Variants in CDH12 observed in about 807,000 individuals in gnomAD.
CDH12 encodes cadherin 12, also known as cadherin-12.
CDH12 carries 41 observed loss-of-function variants against 74.1 expected under a neutral mutation model. That is an observed-to-expected ratio of 0.55 (90% CI 0.43 to 0.72). The LOEUF is 0.72. Ranked by LOEUF, CDH12 falls within the 30% of genes least tolerant of loss-of-function variation. CDH12 has a pLI of 0.00. For synonymous variants in CDH12, 399 were observed against 355.0 expected, an observed-to-expected ratio of 1.12 and a Z score of -1.39; for missense variants, 945 against 977.2, an observed-to-expected ratio of 0.97 and a Z score of 0.44.
At chr5:22,321,855 A>G (rs1245804334) in intron 3 of CDH12, among the ~76,000 whole-genome samples, 1 of 152,178 alleles carries the variant, frequency 6.6e-6, no homozygotes, top group African/African-American at 2.4e-5. Flanking sequence ...GGTTAAGTCC[A>G]GAATATAAAT....
chr5:22,138,844 TAATATATATATA>T (rs1030636537), intron 4 of CDH12, among the ~76,000 whole-genome samples: 8 of 42,580 alleles, frequency 1.9e-4, no homozygotes, highest in African/African-American at 6.3e-4. Context: ...CATATATACG[TAATATATATATA>T]TATATATATA....
At chr5:21,971,093 G>C (rs988226294) in intron 6 of CDH12, among the ~76,000 whole-genome samples, 21 of 151,686 alleles carry the variant, frequency 1.4e-4, no homozygotes, top group African/African-American at 4.6e-4. Context: ...TTCTTTTTAA[G>C]ATATTGAATG....
chr5:22,411,706 T>C (rs1016910813), intron 2 of CDH12, among the ~76,000 whole-genome samples: 2 of 152,034 alleles, frequency 1.3e-5, no homozygotes, highest in Non-Finnish European at 2.9e-5. Flanking sequence ...GCATTTTTGC[T>C]GATATATTTT....
intron 3 of CDH12, among the ~76,000 whole-genome samples, chr5:22,262,875 G>A (rs1365127737): frequency 1.3e-5 from 2 of 151,948 alleles, no homozygotes; most frequent in Non-Finnish European, 2.9e-5. Context: ...CACAGCAAAA[G>A]AAACTACCAT....
intron 7 of CDH12, among the ~76,000 whole-genome samples, chr5:21,853,876 A>T (rs1167436562): frequency 4.0e-5 from 6 of 151,626 alleles, no homozygotes; most frequent in Non-Finnish European, 7.4e-5. Flanking sequence ...ATATGTTCTA[A>T]TGTAGTGTAT....
intron 4 of CDH12, among the ~76,000 whole-genome samples, chr5:22,122,384 T>C (rs1487478856): frequency 6.6e-6 from 1 of 152,048 alleles, no homozygotes; most frequent in African/African-American, 2.4e-5. Context: ...GCCTGGGCAA[T>C]AGAGTGAGAC....
intron 6 of CDH12, among the ~76,000 whole-genome samples, chr5:21,869,400 A>G (rs1334350075): frequency 1.3e-5 from 2 of 152,186 alleles, no homozygotes; most frequent in African/African-American, 2.4e-5. Context: ...GAAGTAGAAG[A>G]AGATGTTAAT....
Position 22,807,973 on chromosome 5 carries a change from G to A in CDH12, c.-523+45085C>T, listed in dbSNP as rs75356084. Among the ~76,000 whole-genome samples, 35 of 152,244 alleles carry A rather than the reference G, an allele frequency of 2.3e-4. No homozygotes were observed. In the East Asian group the frequency reaches 6.4e-3, roughly 28 times the overall value. On this transcript the variant is annotated intron_variant, in intron 1 of 14. Transcript: ENST00000382254. ...AAAAATTAAATGTATAAAAAATAAA[G>A]TAATTGTGCTATGACATCACTGGAT...
chr5:22,281,034 T>C (rs1352679162), intron 3 of CDH12, among the ~76,000 whole-genome samples: 6 of 152,188 alleles, frequency 3.9e-5, no homozygotes, highest in African/African-American at 1.4e-4. Flanking sequence ...TATGATCAAG[T>C]GGGCTTCATC....
At chr5:21,867,951 G>C (rs576428348) in intron 6 of CDH12, among the ~76,000 whole-genome samples, 26 of 152,260 alleles carry the variant, frequency 1.7e-4, no homozygotes, top group Non-Finnish European at 3.2e-4. Context: ...CCAGTGGGTG[G>C]TCATTGAATC....
At chr5:22,749,933 A>G (rs963020997) in intron 1 of CDH12, among the ~76,000 whole-genome samples, 6 of 152,188 alleles carry the variant, frequency 3.9e-5, no homozygotes, top group East Asian at 1.9e-4. Context: ...ACTTAGGCAC[A>G]CATACAATTT....
intron 3 of CDH12, among the ~76,000 whole-genome samples, chr5:22,247,831 T>G (rs1753006887): frequency 6.6e-6 from 1 of 152,182 alleles, no homozygotes; most frequent in Non-Finnish European, 1.5e-5. Context: ...AAAAGTCACA[T>G]GTAAACATAT....
intron 1 of CDH12, among the ~76,000 whole-genome samples, chr5:22,551,231 G>A (rs910463951): frequency 6.6e-6 from 1 of 152,220 alleles, no homozygotes; most frequent in Non-Finnish European, 1.5e-5. Flanking sequence ...TATGTGAGAA[G>A]ACAGGAAGAA....
intron 4 of CDH12, among the ~76,000 whole-genome samples, chr5:22,200,415 G>A (rs186748571): frequency 6.6e-6 from 1 of 152,116 alleles, no homozygotes; most frequent in East Asian, 1.9e-4. Context: ...GTTAAAATAT[G>A]CATGTTCATT....
chr5:22,327,320 A>C (rs1739156444), intron 3 of CDH12, among the ~76,000 whole-genome samples: 1 of 152,166 alleles, frequency 6.6e-6, no homozygotes, highest in Admixed American at 6.6e-5. Flanking sequence ...CAAAAATGTC[A>C]TCAATTAAAA....
At chr5:22,094,779 C>G (rs1743644983) in intron 4 of CDH12, among the ~76,000 whole-genome samples, 1 of 152,124 alleles carries the variant, frequency 6.6e-6, no homozygotes, top group African/African-American at 2.4e-5. Flanking sequence ...CCGGTTCCTG[C>G]CTTAACTGAT....
At chr5:22,662,296 T>C (rs1740386962) in intron 1 of CDH12, among the ~76,000 whole-genome samples, 1 of 152,208 alleles carries the variant, frequency 6.6e-6, no homozygotes, top group South Asian at 2.1e-4. Context: ...AAGGAAGTTA[T>C]GGCATATATA....
In CDH12 at chr5:22,078,635, C is replaced by G. The variant is rs899518674; in HGVS notation, c.42G>C (p.Leu14=). The G allele has an allele frequency of 1.2e-6, 2 of 1,613,712 alleles. No individual in the cohort carries two copies. The highest frequency in any genetic ancestry group is 2.7e-5 in the African/African-American group (2 of 74,898). ...GTGGTGTTAGGAGACCTCCATCAAACAGAACCCAGAGAAGCAGGGATAAAC... is the reference window on the plus strand; with the variant it reads ...GTGGTGTTAGGAGACCTCCATCAAAGAGAACCCAGAGAAGCAGGGATAAAC... ...RNCLSLLLWV[L]FDGGLLTPLQ... is the part of the protein sequence containing the mutation. Residue 14 remains leucine, a synonymous_variant, in exon 5 of 15, where the codon CTG becomes CTC. Coordinates refer to ENST00000382254, the MANE Select transcript of CDH12 (RefSeq NM_004061.5).
chr5:22,390,918 T>C (rs1464106937), intron 3 of CDH12, among the ~76,000 whole-genome samples: 1 of 152,144 alleles, frequency 6.6e-6, no homozygotes, highest in Non-Finnish European at 1.5e-5. Flanking sequence ...CAGATGTTAA[T>C]GTGAAAAAAA....
Sources: gnomAD v4.1 joint callset for allele counts (sites outside exome capture counted in the v4.1 genomes callset) on GRCh38, gnomAD v4.1.1 for gene constraint, MANE v1.5 for transcripts, NCBI Gene and HGNC (gene_info 2026-07-23, HGNC 2026-07-21) for gene names.